Variants in PLAC1 observed in about 807,000 individuals in gnomAD.
PLAC1 encodes the protein placenta-specific protein 1.
For missense variants in PLAC1, 136 were observed against 163.2 expected, an observed-to-expected ratio of 0.83 and a Z score of 0.91; for synonymous variants, 68 against 62.1, an observed-to-expected ratio of 1.09 and a Z score of -0.44.
At chrX:134,706,227 G>C (rs1176924455) in intron 2 of PLAC1, among the ~76,000 whole-genome samples, 1 of 112,984 alleles carries the variant, frequency 8.9e-6, no homozygotes, top group East Asian at 2.8e-4. Context: ...TGCCAGCAAA[G>C]GCTGAGTGGG....
chrX:134,644,815 C>T (rs2078325055), intron 1 of PLAC1, among the ~76,000 whole-genome samples: 1 of 111,640 alleles, frequency 9.0e-6, no homozygotes, highest in African/African-American at 3.3e-5. Context: ...AAATACTTTT[C>T]AAATGTTTTC....
intron 1 of PLAC1, among the ~76,000 whole-genome samples, chrX:134,750,026 C>T (rs957770854): frequency 9.0e-6 from 1 of 111,090 alleles, no homozygotes; most frequent in Non-Finnish European, 1.9e-5. Context: ...TAGTGAGATT[C>T]CTCTAAATAC....
intron 2 of PLAC1, among the ~76,000 whole-genome samples, chrX:134,693,026 A>T (rs1317337319): frequency 8.9e-6 from 1 of 112,034 alleles, no homozygotes; most frequent in Non-Finnish European, 1.9e-5. Flanking sequence ...ACCCTTGAGT[A>T]AAAAATCTCA....
chrX:134,692,510 T>C (rs1022265589), intron 2 of PLAC1, among the ~76,000 whole-genome samples: 3 of 111,800 alleles, frequency 2.7e-5, no homozygotes, highest in African/African-American at 9.8e-5. Context: ...TTAACAAATG[T>C]CTTTAGGCAA....
chrX:134,610,410 C>T (rs958485917), intron 1 of PLAC1, among the ~76,000 whole-genome samples: 1 of 110,887 alleles, frequency 9.0e-6, no homozygotes, highest in South Asian at 3.9e-4. Context: ...CATGGTTTTC[C>T]TAGGGTTCCA....
At position 134,584,135 on chromosome X, in the gene PLAC1, C is replaced by T. The variant is rs751621719; in HGVS notation, c.-58-17395G>A. 4.5e-5 allele frequency among the ~76,000 whole-genome samples: 5 copies of T among 111,531 alleles called. No homozygotes were observed. In the South Asian group the frequency reaches 1.9e-3, roughly 43 times the overall value. The stretch of plus-strand genomic sequence containing the variant: ...GACATCTGTCTATACAGGGGCCTCC[C>T]CTGGCTATCGGTTCACTCAATAACT... On this transcript the variant is annotated intron_variant, in intron 2 of 2. Transcript: ENST00000359237.
At chrX:134,585,059 C>T (rs1429513216) in intron 2 of PLAC1, among the ~76,000 whole-genome samples, 2 of 107,505 alleles carry the variant, frequency 1.9e-5, no homozygotes, top group African/African-American at 6.8e-5. Context: ...AGGCCGGGCG[C>T]GGTGGCTCAC....
intron 1 of PLAC1, among the ~76,000 whole-genome samples, chrX:134,737,744 G>A (rs187241876): frequency 3.6e-5 from 4 of 112,653 alleles, no homozygotes; most frequent in South Asian, 7.3e-4. Context: ...TGAGGTCGAC[G>A]AAAAAGCTAG....
chrX:134,758,996 A>C (rs1439219353), intron 1 of PLAC1, among the ~76,000 whole-genome samples: 1 of 112,016 alleles, frequency 8.9e-6, no homozygotes, highest in Admixed American at 9.5e-5. Flanking sequence ...GAAAACATAC[A>C]AACAGCCAAC....
At chrX:134,645,782 G>GC (rs113921605) in intron 1 of PLAC1, among the ~76,000 whole-genome samples, 1,402 of 111,936 alleles carry the variant, frequency 0.013, 22 homozygotes, top group African/African-American at 0.043. Context: ...GATAATGCAA[G>GC]CCTTCCCATT....
At position 134,627,226 on chromosome X, in the gene PLAC1, T is replaced by G. The variant is rs777639166; in HGVS notation, c.-130-25104A>C. Among the ~76,000 whole-genome samples, 15 of 111,757 alleles carry G rather than the reference T, an allele frequency of 1.3e-4. 1 individual carries two copies. Among genetic ancestry groups the G allele is most frequent in the Non-Finnish European group, 2.6e-4 (14 of 53,192 alleles). ...GTAATTAGCTTCGACAACATTGATGTTGTTTGGTAGGAATGGTATGAAAGG... is the reference window on the plus strand; with the variant it reads ...GTAATTAGCTTCGACAACATTGATGGTGTTTGGTAGGAATGGTATGAAAGG... On this transcript the variant is annotated intron_variant, in intron 1 of 2. Transcript: ENST00000359237.
intron 1 of PLAC1, among the ~76,000 whole-genome samples, chrX:134,752,221 G>A (rs1283781387): frequency 1.8e-5 from 2 of 108,861 alleles, no homozygotes; most frequent in Non-Finnish European, 1.9e-5. Flanking sequence ...ATAGAAGTTC[G>A]TTTTTCTTTT....
At chrX:134,607,247 A>T (rs1241026051) in intron 1 of PLAC1, 1 of 141,073 alleles carries the variant, frequency 7.1e-6, no homozygotes, top group Admixed American at 6.2e-5. Context: ...ATACCTGTGA[A>T]TCTACAAGAA....
intron 2 of PLAC1, among the ~76,000 whole-genome samples, chrX:134,675,804 T>G (rs1269074389): frequency 1.8e-5 from 2 of 111,715 alleles, no homozygotes; most frequent in African/African-American, 6.5e-5. Flanking sequence ...GAAGCAGAGA[T>G]GAAGAGTCTG....
chrX:134,748,807 T>G (rs745608894), intron 1 of PLAC1, among the ~76,000 whole-genome samples: 234 of 112,060 alleles, frequency 2.1e-3, no homozygotes, highest in African/African-American at 7.3e-3. Flanking sequence ...AGGTTGAGGC[T>G]CTAACATCTG....
chrX:134,718,323 G>A (rs759030075), intron 2 of PLAC1, among the ~76,000 whole-genome samples: 1 of 111,641 alleles, frequency 9.0e-6, no homozygotes, highest in South Asian at 3.8e-4. Flanking sequence ...AGGGTGGGGT[G>A]TCACCTTTTT....
intron 2 of PLAC1, among the ~76,000 whole-genome samples, chrX:134,567,815 G>GAGA (rs1569372610): frequency 9.4e-5 from 8 of 84,882 alleles, no homozygotes; most frequent in Non-Finnish European, 1.7e-4. Context: ...AGAGAGAGAG[G>GAGA]GAGGGAGGGA....
At chrX:134,643,575 G>A (rs963629028) in intron 1 of PLAC1, among the ~76,000 whole-genome samples, 7 of 111,381 alleles carry the variant, frequency 6.3e-5, no homozygotes, top group Non-Finnish European at 3.8e-5. Flanking sequence ...TTCAAGGCTG[G>A]TTCACCATTA....
At chrX:134,664,019 A>C (rs2078427200) in intron 2 of PLAC1, among the ~76,000 whole-genome samples, 1 of 112,151 alleles carries the variant, frequency 8.9e-6, no homozygotes, top group African/African-American at 3.2e-5. Flanking sequence ...TGTGCCTCTA[A>C]GTCATACCAA....
Sources: gnomAD v4.1 joint callset for allele counts (sites outside exome capture counted in the v4.1 genomes callset) on GRCh38, gnomAD v4.1.1 for gene constraint, MANE v1.5 for transcripts, NCBI Gene and HGNC (gene_info 2026-07-23, HGNC 2026-07-21) for gene names.